Variants in RALGAPA2 observed in about 807,000 individuals in gnomAD.
RALGAPA2 encodes ral GTPase-activating protein subunit alpha-2.
A neutral mutation model predicts 230.4 loss-of-function variants in RALGAPA2; 139 were observed. The ratio of observed to expected loss-of-function variants is 0.60; its 90% confidence interval spans 0.53 to 0.69. RALGAPA2 has a LOEUF of 0.69. Among genes scored for constraint, RALGAPA2 ranks in the 30% least tolerant of loss-of-function variants. RALGAPA2 has a pLI of 0.00. For synonymous variants in RALGAPA2, 847 were observed against 837.8 expected, an observed-to-expected ratio of 1.01 and a Z score of -0.19; for missense variants, 2,163 against 2,276.0, an observed-to-expected ratio of 0.95 and a Z score of 1.01.
At chr20:20,679,460 C>T (rs1036303719) in intron 2 of RALGAPA2, among the ~76,000 whole-genome samples, 4 of 152,134 alleles carry the variant, frequency 2.6e-5, no homozygotes, top group Admixed American at 6.5e-5. Flanking sequence ...CTGGTTCAAT[C>T]GCTACTTTAC....
chr20:20,649,128 G>A (rs572345462), intron 4 of RALGAPA2, among the ~76,000 whole-genome samples: 51 of 152,314 alleles, frequency 3.3e-4, no homozygotes, highest in Middle Eastern at 6.8e-3. Flanking sequence ...ATTAGTTCCA[G>A]ACATCTCCTG....
rs187214309 is a variant in RALGAPA2, at chr20:20,587,910, C to G, written c.2439+1358G>C. The stretch of plus-strand genomic sequence containing the variant: ...GAAGATTTTTAACCTTATTAGTAGT[C>G]TAAGAAATACAAAATAAGACATCTT... On this transcript the variant is annotated intron_variant, in intron 18 of 39. Coordinates refer to ENST00000202677, the MANE Select transcript of RALGAPA2 (RefSeq NM_020343.4). Among the ~76,000 whole-genome samples the G allele has an allele frequency of 2.9e-3, 447 of 151,984 alleles. 2 individuals carry two copies. Among genetic ancestry groups the G allele is most frequent in the African/African-American group, 0.01 (427 of 41,460 alleles).
intron 1 of RALGAPA2, among the ~76,000 whole-genome samples, chr20:20,709,200 T>C (rs1026307585): frequency 5.3e-5 from 8 of 151,934 alleles, no homozygotes; most frequent in Non-Finnish European, 1.2e-4. Context: ...ACACCTGTAA[T>C]CCCAGCCACT....
At chr20:20,554,475 G>A (rs1330097124) in intron 23 of RALGAPA2, among the ~76,000 whole-genome samples, 1 of 152,008 alleles carries the variant, frequency 6.6e-6, no homozygotes. Flanking sequence ...GAATTTCTCT[G>A]GTGAATAATG....
chr20:20,712,587 C>G lies in RALGAPA2; in HGVS notation c.-107G>C. 2 of 1,242,844 alleles carry G rather than the reference C, an allele frequency of 1.6e-6. No homozygotes were observed. The highest frequency in any genetic ancestry group is 2.0e-6 in the Non-Finnish European group (2 of 991,786). 77.0% of individuals were successfully genotyped at this position (1,242,844 alleles called of 1,614,324 possible). A position where few individuals can be genotyped will look rare whatever the true frequency, so the allele number is the denominator to read the frequency against. ...CGCGTGTCGCGCGGGCCACTCGCCG[C>G]CCCCAGCCCCGCTGCTGCCGCCGCC... On this transcript the variant is annotated 5_prime_UTR_variant, in exon 1 of 40. Transcript: ENST00000202677. The surrounding 1 kb of genome is among the most constrained non-coding windows in gnomAD (Gnocchi z 5.5).
intron 1 of RALGAPA2, among the ~76,000 whole-genome samples, chr20:20,681,821 T>C (rs1044067334): frequency 6.6e-6 from 1 of 152,302 alleles, no homozygotes; most frequent in South Asian, 2.1e-4. Flanking sequence ...GTTGAGCCAC[T>C]GCACTTCAGC....
At chr20:20,449,003 T>C (rs2060928319) in intron 37 of RALGAPA2, among the ~76,000 whole-genome samples, 1 of 152,198 alleles carries the variant, frequency 6.6e-6, no homozygotes, top group African/African-American at 2.4e-5. Context: ...GCACATCTTA[T>C]TTAACAACCT....
chr20:20,573,065 C>G lies in RALGAPA2; in HGVS notation c.2711G>C (p.Ser904Thr). ...SPTDASNLTD[S>T]SECLTDDCSI... Reference sequence around the variant, plus strand: ...ACAGTCATCTGTGAGGCACTCGCTGCTATCTATGCAGAAAAACATGTCTGT... The same window carrying G: ...ACAGTCATCTGTGAGGCACTCGCTGGTATCTATGCAGAAAAACATGTCTGT... Residue 904 changes from serine to threonine, a missense_variant, in exon 21 of 40, where the codon AGC (serine) becomes ACC (threonine). Physicochemically the swap from Ser to Thr is moderately conservative, Grantham distance 58. Coordinates refer to ENST00000202677, the MANE Select transcript of RALGAPA2 (RefSeq NM_020343.4). 1 of 1,600,336 alleles carries G rather than the reference C, an allele frequency of 6.2e-7. No individual in the cohort carries two copies. The highest frequency in any genetic ancestry group is 8.5e-7 in the Non-Finnish European group (1 of 1,172,750).
intron 23 of RALGAPA2, among the ~76,000 whole-genome samples, chr20:20,558,531 T>C (rs970629528): frequency 6.6e-6 from 1 of 152,148 alleles, no homozygotes; most frequent in South Asian, 2.1e-4. Flanking sequence ...AACTGGCTCA[T>C]AAATGCTATC....
intron 36 of RALGAPA2, among the ~76,000 whole-genome samples, chr20:20,489,662 T>C (rs1288596221): frequency 1.3e-5 from 2 of 152,164 alleles, no homozygotes; most frequent in African/African-American, 4.8e-5. Flanking sequence ...ATTATCTGAT[T>C]TGGGGCAATG....
intron 37 of RALGAPA2, among the ~76,000 whole-genome samples, chr20:20,445,058 C>T (rs1480513920): frequency 3.3e-5 from 5 of 152,170 alleles, no homozygotes; most frequent in Non-Finnish European, 5.9e-5. Flanking sequence ...GGCATATTGT[C>T]ATAATTGTTA....
intron 37 of RALGAPA2, among the ~76,000 whole-genome samples, chr20:20,419,604 G>A (rs547548395): frequency 2.0e-5 from 3 of 152,288 alleles, no homozygotes; most frequent in South Asian, 4.2e-4. Flanking sequence ...CCACCTGTAG[G>A]GGAGGGGGAT....
chr20:20,648,550 A>G (rs993338033), intron 4 of RALGAPA2, among the ~76,000 whole-genome samples: 13 of 151,874 alleles, frequency 8.6e-5, no homozygotes, highest in Admixed American at 2.6e-4. Context: ...TTTTTTTAAT[A>G]TAAGAAAAAA....
At chr20:20,458,833 TATAGAC>T (rs1179317321) in intron 37 of RALGAPA2, among the ~76,000 whole-genome samples, 4 of 134,706 alleles carry the variant, frequency 3.0e-5, no homozygotes, top group Non-Finnish European at 6.4e-5. Context: ...TATATATATA[TATAGAC>T]CTATATATAT....
At chr20:20,487,006 A>T (rs1216263656) in intron 36 of RALGAPA2, among the ~76,000 whole-genome samples, 1 of 152,216 alleles carries the variant, frequency 6.6e-6, no homozygotes, top group African/African-American at 2.4e-5. Context: ...TATCCTTAGC[A>T]TATTAATCAG....
At chr20:20,644,890 T>C (rs538040391) in intron 4 of RALGAPA2, among the ~76,000 whole-genome samples, 27 of 152,178 alleles carry the variant, frequency 1.8e-4, no homozygotes, top group Non-Finnish European at 2.6e-4. Context: ...TCATTACACC[T>C]TATGGTGGCT....
chr20:20,488,837 C>T (rs1405289195), intron 36 of RALGAPA2, among the ~76,000 whole-genome samples: 1 of 152,172 alleles, frequency 6.6e-6, no homozygotes, highest in African/African-American at 2.4e-5. Flanking sequence ...AGAGTGGGAC[C>T]CCCAGCCCTT....
At chr20:20,420,768 CCT>C (rs529062733) in intron 37 of RALGAPA2, among the ~76,000 whole-genome samples, 62 of 152,222 alleles carry the variant, frequency 4.1e-4, no homozygotes, top group African/African-American at 1.4e-3. Flanking sequence ...GGAATAGTAC[CCT>C]GTTTCGAATG....
intron 30 of RALGAPA2, among the ~76,000 whole-genome samples, 161 bp downstream of exon 30, chr20:20,524,245 C>T (rs1051556974): frequency 3.9e-5 from 6 of 152,158 alleles, no homozygotes; most frequent in Admixed American, 3.9e-4. Flanking sequence ...AGTGAGCTAC[C>T]GTGCCCAGCC....
Sources: allele counts gnomAD v4.1 joint callset (sites outside exome capture counted in the v4.1 genomes callset), GRCh38; gene constraint gnomAD v4.1.1; non-coding constraint Gnocchi (gnomAD v3.1); transcripts MANE v1.5; gene names NCBI Gene and HGNC (gene_info 2026-07-23, HGNC 2026-07-21).